The following UBE4B variants were observed in gnomAD, a reference collection of about 807,000 sequenced individuals.
UBE4B encodes the protein ubiquitination factor E4B, also known as ubiquitin conjugation factor E4 B.
Under a neutral mutation model 148.1 loss-of-function variants are expected in UBE4B, and 27 were observed. The observed-to-expected ratio is 0.18, with a 90% CI of 0.13 to 0.25. The LOEUF is 0.25. Ranked by LOEUF, UBE4B falls within the 10% of genes least tolerant of loss-of-function variation. UBE4B has a pLI of 1.00. For missense variants in UBE4B, 1,170 were observed against 1,662.4 expected, an observed-to-expected ratio of 0.70 and a Z score of 5.15; for synonymous variants, 596 against 619.3, an observed-to-expected ratio of 0.96 and a Z score of 0.56.
At chr1:10,147,124 C>T (rs756717797) in intron 19 of UBE4B, 34 bp downstream of exon 19, 13 of 1,613,472 alleles carry the variant, frequency 8.1e-6, no homozygotes, top group South Asian at 2.2e-5. Flanking sequence ...CCTTGTCCCT[C>T]CTTGGCTGGG....
At chr1:10,125,929 T>A (rs1201132364) in intron 10 of UBE4B, among the ~76,000 whole-genome samples, 1 of 147,006 alleles carries the variant, frequency 6.8e-6, no homozygotes, top group East Asian at 1.9e-4. Flanking sequence ...CTAATTTAAG[T>A]TTAATGTAGT....
chr1:10,054,363 C>T (rs937652441), intron 1 of UBE4B: 67 of 178,704 alleles, frequency 3.7e-4, no homozygotes, highest in South Asian at 2.4e-4. Flanking sequence ...GTTCTTTGGG[C>T]GAGGGGACAC....
At chr1:10,155,082 AGAGTGTGTGTGT>A (rs1013255389) in intron 21 of UBE4B, among the ~76,000 whole-genome samples, 2 of 147,492 alleles carry the variant, frequency 1.4e-5, no homozygotes, top group African/African-American at 5.2e-5. Flanking sequence ...AGAGAGAGAG[AGAGTGTGTGTGT>A]GTGTGTGTGT....
Position 10,043,719 on chromosome 1 carries a change from C to T in UBE4B, c.24+10025C>T, listed in dbSNP as rs144114451. 8.0e-3 allele frequency among the ~76,000 whole-genome samples: 1,223 copies of T among 152,264 alleles called. 12 individuals carry two copies. Among genetic ancestry groups the T allele is most frequent in the African/African-American group, 0.027 (1,122 of 41,544 alleles). ...CTGGGATTACAGGCGTGATCCAACG[C>T]GCTGGGCCGGGATGCTTCTTATAAA... On this transcript the variant is annotated intron_variant, in intron 1 of 27. Coordinates refer to ENST00000343090, the MANE Select transcript of UBE4B (RefSeq NM_001105562.3).
intron 1 of UBE4B, among the ~76,000 whole-genome samples, chr1:10,069,283 C>T (rs1331840062): frequency 6.6e-6 from 1 of 152,146 alleles, no homozygotes; most frequent in African/African-American, 2.4e-5. Context: ...ATGTTCAGTG[C>T]ATTTTTCTAG....
chr1:10,178,161 T>C (rs1426452304), intron 25 of UBE4B, among the ~76,000 whole-genome samples: 2 of 152,146 alleles, frequency 1.3e-5, no homozygotes, highest in Non-Finnish European at 2.9e-5. Context: ...AGAAGGCTCC[T>C]CTAGAGTATG....
At chr1:10,162,812 C>CT in intron 23 of UBE4B, among the ~76,000 whole-genome samples, 1 of 152,170 alleles carries the variant, frequency 6.6e-6, no homozygotes, top group South Asian at 2.1e-4. Flanking sequence ...TCCCCAGTGT[C>CT]TGTTATTCCC....
At chr1:10,158,057 G>A (rs955986387) in intron 21 of UBE4B, among the ~76,000 whole-genome samples, 2 of 152,096 alleles carry the variant, frequency 1.3e-5, no homozygotes, top group African/African-American at 4.8e-5. Context: ...AAATTAGGTG[G>A]GGGGAGTATG....
intron 1 of UBE4B, among the ~76,000 whole-genome samples, chr1:10,038,834 C>T (rs1197837022): frequency 2.0e-5 from 3 of 152,100 alleles, no homozygotes; most frequent in African/African-American, 7.2e-5. Context: ...CGGTGGCTCA[C>T]GCCTGTAATC....
intron 1 of UBE4B, among the ~76,000 whole-genome samples, chr1:10,034,489 A>C (rs1053732905): frequency 2.0e-5 from 3 of 151,816 alleles, no homozygotes; most frequent in African/African-American, 4.8e-5. Context: ...AAAAAAAAAA[A>C]CAACCAAAAA....
At chr1:10,179,213 T>C in intron 26 of UBE4B, 1 of 611,256 alleles carries the variant, frequency 1.6e-6, no homozygotes, top group Non-Finnish European at 2.7e-6. Flanking sequence ...CAGCAGTAGC[T>C]GACAAAGAAG....
chr1:10,043,174 T>C (rs970407664), intron 1 of UBE4B, among the ~76,000 whole-genome samples: 1 of 151,638 alleles, frequency 6.6e-6, no homozygotes, highest in Non-Finnish European at 1.5e-5. Flanking sequence ...CATGCCCGGC[T>C]AATTTTGTAT....
intron 1 of UBE4B, among the ~76,000 whole-genome samples, chr1:10,052,599 C>T (rs1644073146): frequency 6.6e-6 from 1 of 152,198 alleles, no homozygotes; most frequent in Non-Finnish European, 1.5e-5. Flanking sequence ...GGCAGAGGTG[C>T]CCCACGCTTG....
At chr1:10,127,248 G>A (rs116601933) in intron 11 of UBE4B, among the ~76,000 whole-genome samples, 2,627 of 151,850 alleles carry the variant, frequency 0.017, 34 homozygotes, top group Non-Finnish European at 0.027. Context: ...AGGCAAAGCT[G>A]TACATACTAA....
intron 2 of UBE4B, chr1:10,072,722 A>G: frequency 2.2e-6 from 1 of 457,418 alleles, no homozygotes; most frequent in East Asian, 3.5e-5. Flanking sequence ...TTTATAATAA[A>G]TGAGCTGATG....
At chr1:10,159,226 A>C (rs1373048177) in intron 22 of UBE4B, among the ~76,000 whole-genome samples, 3 of 152,224 alleles carry the variant, frequency 2.0e-5, no homozygotes, top group African/African-American at 7.2e-5. Flanking sequence ...GTAAGGCCCT[A>C]AACCTTAATT....
intron 11 of UBE4B, among the ~76,000 whole-genome samples, chr1:10,127,489 A>G (rs1368278409): frequency 6.6e-6 from 1 of 152,208 alleles, no homozygotes; most frequent in Non-Finnish European, 1.5e-5. Flanking sequence ...TGAAAATTAG[A>G]AGCTCCTTTC....
At position 10,040,418 on chromosome 1, in the gene UBE4B, T is replaced by C. The variant is rs111911855; in HGVS notation, c.24+6724T>C. ...GCTACCACGCCAGGCCTCCGGCTAATTTTTGTATATTTTGTAGAGACAGGG... is the reference window on the plus strand; with the variant it reads ...GCTACCACGCCAGGCCTCCGGCTAACTTTTGTATATTTTGTAGAGACAGGG... On this transcript the variant is annotated intron_variant, in intron 1 of 27. Coordinates refer to ENST00000343090, the MANE Select transcript of UBE4B (RefSeq NM_001105562.3). Among the ~76,000 whole-genome samples the C allele has an allele frequency of 6.8e-3, 1,034 of 151,880 alleles. 14 individuals carry two copies. Among genetic ancestry groups the C allele is most frequent in the African/African-American group, 0.024 (976 of 41,446 alleles).
At chr1:10,167,714 T>C (rs1042692011) in intron 23 of UBE4B, among the ~76,000 whole-genome samples, 1 of 148,540 alleles carries the variant, frequency 6.7e-6, no homozygotes, top group African/African-American at 2.5e-5. Context: ...TGCCTCAGCC[T>C]CCCAAGTAGC....
Sources: allele counts gnomAD v4.1 joint callset (sites outside exome capture counted in the v4.1 genomes callset), GRCh38; gene constraint gnomAD v4.1.1; transcripts MANE v1.5; gene names NCBI Gene and HGNC (gene_info 2026-07-23, HGNC 2026-07-21).